Variants in PRCP observed in about 807,000 individuals in gnomAD.
The protein encoded by PRCP is prolylcarboxypeptidase.
A neutral mutation model predicts 54.2 loss-of-function variants in PRCP; 46 were observed. That is an observed-to-expected ratio of 0.85 (90% CI 0.67 to 1.09). PRCP has a LOEUF of 1.09. Among genes scored for constraint, PRCP ranks in the 50% least tolerant of loss-of-function variants. The probability of loss-of-function intolerance (pLI) is 0.00; values close to 1 mark genes in which losing one functional copy is unlikely to be tolerated. For synonymous variants in PRCP, 240 were observed against 212.2 expected (o/e 1.13, Z -1.14); for missense variants, 613 against 596.8 (o/e 1.03, Z -0.28).
intron 8 of PRCP, chr11:82,826,157 T>G (rs1363917931): frequency 6.6e-6 from 1 of 152,220 alleles, no homozygotes; most frequent in African/African-American, 2.4e-5. Flanking sequence ...CAGGAAACCA[T>G]GAATCTATTT....
chr11:82,825,872 A>G (rs1405655527), intron 8 of PRCP: 2 of 152,212 alleles, frequency 1.3e-5, no homozygotes, highest in Non-Finnish European at 2.9e-5. Context: ...ATGTAAAGAG[A>G]ATCAGTCACT....
At chr11:82,837,776 A>C (rs776395953) in intron 8 of PRCP, among the ~76,000 whole-genome samples, 12 of 152,198 alleles carry the variant, frequency 7.9e-5, no homozygotes, top group Admixed American at 1.3e-4. Flanking sequence ...CAACTGTGTG[A>C]CTTCTTAAGG....
intron 1 of PRCP, among the ~76,000 whole-genome samples, chr11:82,870,099 G>A (rs1192978664): frequency 1.3e-5 from 2 of 152,226 alleles, no homozygotes; most frequent in Non-Finnish European, 2.9e-5. Context: ...ATAAGTCAAA[G>A]TTTTTAAGAC....
chr11:82,894,627 C>T (rs1860077879), intron 1 of PRCP, among the ~76,000 whole-genome samples: 1 of 152,194 alleles, frequency 6.6e-6, no homozygotes, highest in African/African-American at 2.4e-5. Context: ...AGAACCCAAA[C>T]TTTGAAAATG....
At chr11:82,830,792 A>T (rs1386619287) in intron 8 of PRCP, 1 of 151,950 alleles carries the variant, frequency 6.6e-6, no homozygotes. Context: ...TCTTAAATTA[A>T]CAAATCGCCT....
In PRCP at chr11:82,873,088, A is replaced by AT. The variant is rs1491555950; in HGVS notation, c.169-12972_169-12971insA. Among the ~76,000 whole-genome samples, 852 of 150,224 alleles carry AT rather than the reference A, an allele frequency of 5.7e-3. 6 individuals carry two copies. The highest frequency in any genetic ancestry group is 0.018 in the Admixed American group (270 of 15,118). On this transcript the variant is annotated intron_variant, in intron 1 of 8. Coordinates refer to ENST00000313010, the MANE Select transcript of PRCP (RefSeq NM_005040.4). ...TCTGTTTTTTTTTTTTTAAAAAAAA[A>AT]GAAAGTAAGAAGAATAAGTAGAAGG...
intron 8 of PRCP, chr11:82,835,933 C>T (rs1858514006): frequency 8.8e-6 from 3 of 339,524 alleles, no homozygotes. Context: ...TGGCTCATGC[C>T]TGTAGTCCCA....
intron 6 of PRCP, among the ~76,000 whole-genome samples, chr11:82,848,742 C>T (rs1858871594): frequency 6.6e-6 from 1 of 152,142 alleles, no homozygotes; most frequent in South Asian, 2.1e-4. Context: ...GTACACAGCC[C>T]AGGATTTGGC....
chr11:82,877,068 G>T (rs149841796), intron 1 of PRCP, among the ~76,000 whole-genome samples: 313 of 152,298 alleles, frequency 2.1e-3, no homozygotes, highest in African/African-American at 7.2e-3. Context: ...CTGAAACAAA[G>T]GTGACTCTTG....
chr11:82,850,118 T>C, intron 4 of PRCP, 47 bp from the exon 5 acceptor site: 2 of 827,050 alleles, frequency 2.4e-6, no homozygotes, highest in Non-Finnish European at 3.2e-6. Flanking sequence ...AGAAAAAATA[T>C]ATATATATAT....
rs1304510322 is a variant in PRCP, at chr11:82,830,657, T to C, written c.1275-5535A>G. 392 of 106,742 alleles carry C rather than the reference T, an allele frequency of 3.7e-3. 2 individuals are homozygous for C. Among genetic ancestry groups the C allele is most frequent in the African/African-American group, 0.013 (378 of 28,704 alleles). 6.6% of individuals were successfully genotyped at this position (106,742 alleles called of 1,614,324 possible). ...AAAAAAAAAAAAAAAAAAAAAAAAC[T>C]ACACTCCAGAAGTGTACTTTTTTGG... On this transcript the variant is annotated intron_variant, in intron 8 of 8. Transcript: ENST00000313010.
intron 1 of PRCP, among the ~76,000 whole-genome samples, chr11:82,860,628 A>G (rs762758096): frequency 2.5e-4 from 38 of 152,214 alleles, no homozygotes; most frequent in South Asian, 4.1e-4. Flanking sequence ...TTAAGTATAT[A>G]ATACATCCCA....
intron 6 of PRCP, among the ~76,000 whole-genome samples, chr11:82,848,162 T>G (rs2121134089): frequency 6.6e-6 from 1 of 152,352 alleles, no homozygotes; most frequent in South Asian, 2.1e-4. Flanking sequence ...GCCAATTCTA[T>G]TTTCACTTCC....
intron 1 of PRCP, among the ~76,000 whole-genome samples, chr11:82,866,778 G>A (rs1859346817): frequency 1.3e-5 from 2 of 151,828 alleles, no homozygotes; most frequent in African/African-American, 2.4e-5. Context: ...CTGGAGTGCA[G>A]GGGCGTGATC....
At chr11:82,838,291 T>C (rs1171622676) in intron 8 of PRCP, 96 bp downstream of exon 8, 40 of 1,158,158 alleles carry the variant, frequency 3.5e-5, no homozygotes, top group Non-Finnish European at 4.7e-5. Flanking sequence ...GTATTCTATG[T>C]TGTTATATTG....
At chr11:82,855,929 C>T (rs760346095) in intron 2 of PRCP, among the ~76,000 whole-genome samples, 5 of 152,294 alleles carry the variant, frequency 3.3e-5, no homozygotes, top group South Asian at 4.1e-4. Context: ...TCAGCCACTA[C>T]GGAAAGCAGT....
chr11:82,861,684 G>A (rs891896863), intron 1 of PRCP, among the ~76,000 whole-genome samples: 1 of 152,066 alleles, frequency 6.6e-6, no homozygotes, highest in African/African-American at 2.4e-5. Context: ...GCAAGTTGAA[G>A]ATATTTCAAA....
rs201989799 is a variant in PRCP at position 82,836,194 on chromosome 11, AG to A, written c.1274+2192del. 126 of 133,800 alleles carry A rather than the reference AG, an allele frequency of 9.4e-4. 7 individuals carry two copies. The South Asian group carries it at 0.012, about 12-fold the overall frequency. 8.3% of individuals were successfully genotyped at this position (133,800 alleles called of 1,614,324 possible). ...GGTGACAGAGTGAGACTCCATCTCG[AG>A]GAAAAAAAAAAAAAAAAAAAAGACA... is the stretch of plus-strand genomic sequence containing the variant. On this transcript the variant is annotated intron_variant, in intron 8 of 8. Coordinates refer to ENST00000313010, the MANE Select transcript of PRCP (RefSeq NM_005040.4).
intron 1 of PRCP, among the ~76,000 whole-genome samples, chr11:82,869,537 C>T (rs189259877): frequency 2.8e-4 from 42 of 152,220 alleles, no homozygotes; most frequent in Admixed American, 4.6e-4. Flanking sequence ...AAGATTGTTT[C>T]TCTAAACCAA....
Sources: allele counts gnomAD v4.1 joint callset (sites outside exome capture counted in the v4.1 genomes callset), GRCh38; gene constraint gnomAD v4.1.1; transcripts MANE v1.5; gene names NCBI Gene and HGNC (gene_info 2026-07-23, HGNC 2026-07-21).